The following GPR149 variants were observed in gnomAD, a reference collection of about 807,000 sequenced individuals.
GPR149 encodes the protein G protein-coupled receptor 149, also known as probable G protein-coupled receptor 149.
GPR149 carries 50 observed loss-of-function variants against 50.2 expected under a neutral mutation model. That is an observed-to-expected ratio of 1.00 (90% CI 0.79 to 1.26). The LOEUF (loss-of-function observed/expected upper bound fraction) is 1.26, where lower values mean the gene tolerates loss of function less well. Ranked by LOEUF, GPR149 falls within the 50% of genes most tolerant of loss-of-function variation. The pLI, the probability that GPR149 is intolerant of heterozygous loss-of-function variation, is 0.00. For missense variants in GPR149, 983 were observed against 895.4 expected (o/e 1.10, Z -1.25); for synonymous variants, 405 against 358.2 (o/e 1.13, Z -1.48).
intron 3 of GPR149, among the ~76,000 whole-genome samples, chr3:154,369,547 C>T (rs1349236602): frequency 6.6e-6 from 1 of 152,180 alleles, no homozygotes; most frequent in Non-Finnish European, 1.5e-5. Context: ...TCCGGTCCCA[C>T]CGAAGTGTTA....
At position 154,421,191 on chromosome 3, in the gene GPR149, C is replaced by T. The variant is rs199725443; in HGVS notation, c.1471G>A (p.Ala491Thr). 39 of 1,613,364 alleles carry T rather than the reference C, an allele frequency of 2.4e-5. No individual in the cohort carries two copies. Among genetic ancestry groups the T allele is most frequent in the Non-Finnish European group, 4.2e-6 (5 of 1,179,604 alleles). ...TCACCTCCTGTTTTGTCAGAAAACG[C>T]ATCCTTTTTGTTGTTGGAATCCTGT... is the stretch of plus-strand genomic sequence containing the variant. ...AKQDSNNKKD[A>T]FSDKTGGDIN... Residue 491 changes from alanine (A) to threonine (T), a missense_variant, in exon 3 of 4, where the codon GCG (alanine) becomes ACG (threonine). Physicochemically the swap from Ala to Thr is moderately conservative, Grantham distance 58. Transcript: ENST00000389740.
intron 3 of GPR149, among the ~76,000 whole-genome samples, chr3:154,339,779 C>CTTTTT (rs71152802): frequency 4.4e-5 from 3 of 68,306 alleles, no homozygotes; most frequent in African/African-American, 1.4e-4. Context: ...TGCTCTACTT[C>CTTTTT]TTTTTTTTTT....
Position 154,421,420 on chromosome 3 carries a change from A to T in GPR149, c.1242T>A (p.His414Gln). The change falls in exon 3 of 4, where the codon CAT becomes CAA. Residue 414 changes from histidine to glutamine, a missense_variant. Transcript: ENST00000389740. ...QKSYGIYKIA[H>Q]EDYYDDDENS... ...TTTCATCATCATCATAGTAATCTTC[A>T]TGTGCTATTTTATAAATCCCATAAC... 6.2e-7 allele frequency: 1 copy of T among 1,608,464 alleles called. No individual in the cohort carries two copies. The highest frequency in any genetic ancestry group is 2.2e-5 in the East Asian group (1 of 44,838).
At chr3:154,423,739 C>T (rs1045605047) in intron 2 of GPR149, among the ~76,000 whole-genome samples, 9 of 151,696 alleles carry the variant, frequency 5.9e-5, no homozygotes, top group Non-Finnish European at 1.2e-4. Flanking sequence ...CAAAACTAAT[C>T]ATTTTTAAGT....
chr3:154,353,741 G>T, intron 3 of GPR149: 1 of 901,722 alleles, frequency 1.1e-6, no homozygotes, highest in Non-Finnish European at 1.8e-6. Flanking sequence ...TTTCTTTGGA[G>T]TCTTTCAATC....
chr3:154,426,018 A>G (rs1284192351), intron 2 of GPR149, among the ~76,000 whole-genome samples: 1 of 152,154 alleles, frequency 6.6e-6, no homozygotes, highest in African/African-American at 2.4e-5. Flanking sequence ...GGGCTCGTTC[A>G]CTAGTTTAGT....
chr3:154,429,821 T>TAAAA lies in GPR149; in HGVS notation c.-210_-207dup. ...TAAAAATTAGGTTCCATTTCAAGCA[T>TAAAA]AAAAAAAAAAAAACCCGAACAGATA... On this transcript the variant is annotated 5_prime_UTR_variant, in exon 1 of 4. It introduces an in-frame stop codon into an upstream open reading frame of the 5' UTR. Transcript: ENST00000389740. 9 of 329,018 alleles carry TAAAA rather than the reference T, an allele frequency of 2.7e-5. No individual in the cohort carries two copies. The South Asian group carries it at 3.3e-4, about 12-fold the overall frequency. The allele number at this position is 329,018 out of a possible 1,614,324, so 20.4% of individuals were successfully genotyped here.
At chr3:154,370,272 AC>A (rs1234651997) in intron 3 of GPR149, among the ~76,000 whole-genome samples, 2 of 152,120 alleles carry the variant, frequency 1.3e-5, no homozygotes, top group South Asian at 2.1e-4. Context: ...ACATTATTAA[AC>A]CTGGCAACCT....
chr3:154,408,568 T>C (rs1189799345), intron 3 of GPR149, among the ~76,000 whole-genome samples: 1 of 152,116 alleles, frequency 6.6e-6, no homozygotes, highest in Non-Finnish European at 1.5e-5. Context: ...TTTCCCCCAC[T>C]TTCCTGGTGA....
chr3:154,336,182 A>G lies in GPR149; in HGVS notation c.*1517T>C, dbSNP rs955610108. 1.3e-5 allele frequency: 2 copies of G among 152,244 alleles called. No homozygotes were observed. The highest frequency in any genetic ancestry group is 2.4e-5 in the African/African-American group (1 of 41,582). 9.4% of individuals were successfully genotyped at this position (152,244 alleles called of 1,614,324 possible). On this transcript the variant is annotated 3_prime_UTR_variant, in exon 4 of 4. Coordinates refer to ENST00000389740, the MANE Select transcript of GPR149 (RefSeq NM_001038705.3). ...GGTAATACATATGTTTCCCAAATTT[A>G]GATAACTAGATATTGAGAAGTTAAA...
At chr3:154,397,425 A>G (rs1715320161) in intron 3 of GPR149, among the ~76,000 whole-genome samples, 1 of 152,206 alleles carries the variant, frequency 6.6e-6, no homozygotes, top group African/African-American at 2.4e-5. Flanking sequence ...GTTGGCTCAA[A>G]CTGGCTCATG....
intron 3 of GPR149, among the ~76,000 whole-genome samples, chr3:154,356,963 G>A (rs1366881941): frequency 6.6e-6 from 1 of 152,124 alleles, no homozygotes; most frequent in Admixed American, 6.5e-5. Flanking sequence ...AAAACAGCAT[G>A]GTACTGGTAT....
At chr3:154,396,227 A>T (rs1715291047) in intron 3 of GPR149, among the ~76,000 whole-genome samples, 2 of 152,192 alleles carry the variant, frequency 1.3e-5, no homozygotes, top group Admixed American at 1.3e-4. Flanking sequence ...CACTTAAGAA[A>T]CAAATTCAAG....
At position 154,337,697 on chromosome 3, in the gene GPR149, C is replaced by T; in HGVS notation, c.*2G>A. The T allele has an allele frequency of 6.3e-7, 1 of 1,580,894 alleles. No homozygotes were observed. The highest frequency in any genetic ancestry group is 8.6e-7 in the Non-Finnish European group (1 of 1,163,750). ...TCTTGCTCCTGTTAGACCAAATACC[C>T]ACTAACTACCCTTGCTTTCTTCCTC... On this transcript the variant is annotated 3_prime_UTR_variant, in exon 4 of 4. Coordinates refer to ENST00000389740, the MANE Select transcript of GPR149 (RefSeq NM_001038705.3).
intron 3 of GPR149, among the ~76,000 whole-genome samples, chr3:154,373,895 T>G (rs1714726501): frequency 6.6e-6 from 1 of 152,190 alleles, no homozygotes; most frequent in East Asian, 1.9e-4. Context: ...GTCTGACATA[T>G]AGTAGGCACT....
chr3:154,357,964 A>C (rs1415716705), intron 3 of GPR149, among the ~76,000 whole-genome samples: 1 of 152,140 alleles, frequency 6.6e-6, no homozygotes, highest in Admixed American at 6.5e-5. Flanking sequence ...GCAGCCATAA[A>C]AAATGATGAG....
At chr3:154,369,498 C>T (rs929192903) in intron 3 of GPR149, among the ~76,000 whole-genome samples, 7 of 152,150 alleles carry the variant, frequency 4.6e-5, no homozygotes, top group African/African-American at 1.7e-4. Flanking sequence ...AGGGCCTCTT[C>T]CCTCAACCCC....
intron 2 of GPR149, among the ~76,000 whole-genome samples, chr3:154,426,095 T>A (rs9819657): frequency 6.6e-6 from 1 of 152,056 alleles, no homozygotes; most frequent in South Asian, 2.1e-4. Flanking sequence ...CTTTATGTTA[T>A]ATGTTTTTAT....
chr3:154,369,100 G>T (rs866646561), intron 3 of GPR149, among the ~76,000 whole-genome samples: 1 of 152,192 alleles, frequency 6.6e-6, no homozygotes, highest in Non-Finnish European at 1.5e-5. Flanking sequence ...ACCCTCGGGG[G>T]ATGCCATAGG....
Sources: allele counts gnomAD v4.1 joint callset (sites outside exome capture counted in the v4.1 genomes callset), GRCh38; gene constraint gnomAD v4.1.1; transcripts MANE v1.5; gene names NCBI Gene and HGNC (gene_info 2026-07-23, HGNC 2026-07-21).